Variants in NAALADL2 observed in about 807,000 individuals in gnomAD.
NAALADL2 encodes the protein inactive N-acetylated-alpha-linked acidic dipeptidase-like protein 2.
In NAALADL2, 76 loss-of-function variants were observed where a neutral mutation model predicts 87.2. The ratio of observed to expected loss-of-function variants is 0.87; its 90% CI spans 0.72 to 1.05. NAALADL2 has a LOEUF of 1.05. NAALADL2 is among the 50% of genes least tolerant of loss of function. The pLI, the probability that NAALADL2 is intolerant of heterozygous loss-of-function variation, is 0.00. For missense variants in NAALADL2, 1,089 were observed against 945.8 expected (o/e 1.15, Z -1.99); for synonymous variants, 354 against 331.0 (o/e 1.07, Z -0.75).
At chr3:174,873,163 T>C (rs1199317936) in intron 1 of NAALADL2, among the ~76,000 whole-genome samples, 2 of 152,182 alleles carry the variant, frequency 1.3e-5, no homozygotes, top group Admixed American at 6.5e-5. Context: ...CTTAGTTTTA[T>C]GTAATGAATT....
At chr3:175,564,679 C>T (rs969224807) in intron 9 of NAALADL2, among the ~76,000 whole-genome samples, 2 of 152,178 alleles carry the variant, frequency 1.3e-5, no homozygotes, top group African/African-American at 4.8e-5. Context: ...GACATAAAAT[C>T]TATATCTTGA....
intron 3 of NAALADL2, among the ~76,000 whole-genome samples, chr3:174,826,531 A>G (rs185090306): frequency 6.6e-6 from 1 of 152,352 alleles, no homozygotes; most frequent in East Asian, 1.9e-4. Context: ...AGTAATCAGT[A>G]AACATTTCCT....
intron 4 of NAALADL2, among the ~76,000 whole-genome samples, chr3:175,275,026 CTTA>C (rs927021661): frequency 2.6e-5 from 4 of 152,068 alleles, no homozygotes; most frequent in African/African-American, 4.8e-5. Context: ...ATTATTTCAC[CTTA>C]TTATCTGAAT....
At chr3:174,869,453 A>G (rs903477683) in intron 1 of NAALADL2, among the ~76,000 whole-genome samples, 12 of 152,190 alleles carry the variant, frequency 7.9e-5, no homozygotes, top group Non-Finnish European at 1.6e-4. Context: ...GAGGACTTGG[A>G]TTCCTAGAGT....
chr3:175,638,375 C>T (rs1050609675), intron 11 of NAALADL2, among the ~76,000 whole-genome samples: 1 of 152,156 alleles, frequency 6.6e-6, no homozygotes, highest in Non-Finnish European at 1.5e-5. Context: ...CTCAGATGCT[C>T]TTACTAAAAT....
chr3:175,261,601 C>T (rs1751053724), intron 4 of NAALADL2, among the ~76,000 whole-genome samples: 1 of 151,982 alleles, frequency 6.6e-6, no homozygotes, highest in South Asian at 2.1e-4. Flanking sequence ...TAATATGCAT[C>T]ACTACCTAGT....
chr3:175,491,937 A>C (rs1414235602), intron 9 of NAALADL2, among the ~76,000 whole-genome samples: 2 of 152,224 alleles, frequency 1.3e-5, no homozygotes, highest in Non-Finnish European at 2.9e-5. Flanking sequence ...AAAAAGACTC[A>C]GAAAAAATAC....
chr3:174,533,411 C>A (rs1721426763), intron 1 of NAALADL2, among the ~76,000 whole-genome samples: 1 of 152,146 alleles, frequency 6.6e-6, no homozygotes, highest in African/African-American at 2.4e-5. Context: ...GTTTTCTCTT[C>A]TCTGTTAATC....
chr3:174,896,462 G>T (rs1406481258), intron 1 of NAALADL2, among the ~76,000 whole-genome samples: 1 of 152,002 alleles, frequency 6.6e-6, no homozygotes, highest in African/African-American at 2.4e-5. Context: ...ATTAACCAAA[G>T]AATTAAAGGA....
chr3:175,103,308 C>T (rs1722552609), intron 2 of NAALADL2, among the ~76,000 whole-genome samples: 1 of 152,130 alleles, frequency 6.6e-6, no homozygotes, highest in Middle Eastern at 3.4e-3. Context: ...TCCCTTTTCT[C>T]TTCCTTCTGT....
chr3:175,635,621 T>C (rs1200653266), intron 11 of NAALADL2, among the ~76,000 whole-genome samples: 1 of 152,164 alleles, frequency 6.6e-6, no homozygotes, highest in African/African-American at 2.4e-5. Context: ...AAGTAACATT[T>C]TTGGTGATAG....
At chr3:175,711,920 G>A (rs762356787) in intron 11 of NAALADL2, among the ~76,000 whole-genome samples, 13 of 151,752 alleles carry the variant, frequency 8.6e-5, no homozygotes, top group African/African-American at 3.1e-4. Context: ...ATAAAATATA[G>A]TATTCAACTT....
intron 5 of NAALADL2, among the ~76,000 whole-genome samples, chr3:175,408,204 A>G (rs1402312820): frequency 6.6e-6 from 1 of 152,104 alleles, no homozygotes; most frequent in Non-Finnish European, 1.5e-5. Flanking sequence ...TTGGTGATCT[A>G]TTGCTCTGCA....
At chr3:174,973,747 G>C (rs961412481) in intron 1 of NAALADL2, among the ~76,000 whole-genome samples, 1 of 152,098 alleles carries the variant, frequency 6.6e-6, no homozygotes, top group African/African-American at 2.4e-5. Flanking sequence ...AGCATGTTAT[G>C]GCACTGAATA....
At chr3:174,686,017 G>C (rs551627187) in intron 2 of NAALADL2, among the ~76,000 whole-genome samples, 1 of 152,128 alleles carries the variant, frequency 6.6e-6, no homozygotes, top group Non-Finnish European at 1.5e-5. Flanking sequence ...TTTCATGGCT[G>C]TATAGTATTC....
chr3:174,528,104 T>C (rs1219496387), intron 1 of NAALADL2, among the ~76,000 whole-genome samples: 2 of 152,080 alleles, frequency 1.3e-5, no homozygotes, highest in Non-Finnish European at 2.9e-5. Context: ...TATTTTATTA[T>C]AAAAAGCTTG....
chr3:175,002,662 G>A (rs1361472619), intron 1 of NAALADL2, among the ~76,000 whole-genome samples: 1 of 152,174 alleles, frequency 6.6e-6, no homozygotes. Context: ...TTGTAATAAA[G>A]AATCTCTGCT....
At position 175,097,122 on chromosome 3, in the gene NAALADL2, T is replaced by C. The variant is rs1209553063; in HGVS notation, c.376T>C (p.Leu126=). ...KSNRCNFCHV[L]KILCTATILF... The stretch of plus-strand genomic sequence containing the variant: ...CAATCGCTGCAACTTTTGCCACGTC[T>C]TAAAAATACTTTGCACAGCCACCAT... Residue 126 remains leucine (L), a synonymous_variant, in exon 2 of 14, where the codon TTA becomes CTA. Coordinates refer to ENST00000454872, the MANE Select transcript of NAALADL2 (RefSeq NM_207015.3). The C allele has an allele frequency of 5.0e-6, 8 of 1,613,708 alleles. No individual in the cohort carries two copies. In the African/African-American group the frequency reaches 1.1e-4, roughly 22 times the overall value.
intron 11 of NAALADL2, among the ~76,000 whole-genome samples, chr3:175,672,442 A>G (rs138989545): frequency 1.7e-3 from 266 of 152,224 alleles, no homozygotes; most frequent in African/African-American, 6.2e-3. Context: ...TGAAAATACC[A>G]CTGATCAAGA....
Sources: gnomAD v4.1 joint callset for allele counts (sites outside exome capture counted in the v4.1 genomes callset) on GRCh38, gnomAD v4.1.1 for gene constraint, MANE v1.5 for transcripts, NCBI Gene and HGNC (gene_info 2026-07-23, HGNC 2026-07-21) for gene names.